TMEM178B: variants seen among roughly 807,000 people sequenced by gnomAD.
TMEM178B encodes transmembrane protein 178B.
In TMEM178B, 5 loss-of-function variants were observed where a neutral mutation model predicts 31.0. The ratio of observed to expected loss-of-function variants is 0.16; its 90% confidence interval spans 0.08 to 0.34. The LOEUF (loss-of-function observed/expected upper bound fraction) is 0.34. Ranked by LOEUF, TMEM178B falls within the 10% of genes least tolerant of loss-of-function variation. TMEM178B has a pLI of 1.00. For synonymous variants in TMEM178B, 164 were observed against 164.0 expected (o/e 1.00, Z 0.00); for missense variants, 275 against 400.3 (o/e 0.69, Z 2.67).
At chr7:141,103,550 C>T (rs1795092678) in intron 1 of TMEM178B, among the ~76,000 whole-genome samples, 1 of 152,042 alleles carries the variant, frequency 6.6e-6, no homozygotes. Flanking sequence ...TCTCATTTGT[C>T]TGTTTATTCT....
At chr7:141,227,951 G>A (rs1211955673) in intron 2 of TMEM178B, among the ~76,000 whole-genome samples, 1 of 152,106 alleles carries the variant, frequency 6.6e-6, no homozygotes, top group Non-Finnish European at 1.5e-5. Flanking sequence ...ATCCTAGAAA[G>A]CAAGATTTCC....
rs114807632 is a variant in TMEM178B at position 141,232,669 on chromosome 7, C to T, written c.496+19965C>T. ...AAAATATGAATTAAATGCCAATAAA[C>T]CCATGTAACCTTAGAGGCTCAGCTT... is the stretch of plus-strand genomic sequence containing the variant. On this transcript the variant is annotated intron_variant, in intron 2 of 3. Transcript: ENST00000565468. Among the ~76,000 whole-genome samples the T allele has an allele frequency of 4.9e-3, 741 of 152,294 alleles. 9 individuals are homozygous for T. Among genetic ancestry groups the T allele is most frequent in the African/African-American group, 0.017 (717 of 41,574 alleles).
chr7:141,265,976 C>T (rs138226345), intron 2 of TMEM178B, among the ~76,000 whole-genome samples: 5 of 152,248 alleles, frequency 3.3e-5, no homozygotes, highest in Non-Finnish European at 7.4e-5. Flanking sequence ...GGATGTGGTG[C>T]CTGACTGAGG....
the TMEM178B span, among the ~76,000 whole-genome samples, chr7:141,505,701 AACT>A: frequency 6.6e-6 from 1 of 152,162 alleles, no homozygotes; most frequent in East Asian, 1.9e-4. Flanking sequence ...ACTGGCTCTT[AACT>A]ACTTGCTAGC....
At chr7:141,306,462 G>A (rs530077142) in intron 2 of TMEM178B, among the ~76,000 whole-genome samples, 27 of 152,258 alleles carry the variant, frequency 1.8e-4, no homozygotes, top group Middle Eastern at 3.4e-3. Flanking sequence ...AAAGGTGTCC[G>A]CTTTCTGAGT....
intron 3 of TMEM178B, among the ~76,000 whole-genome samples, chr7:141,469,227 C>T (rs899750552): frequency 6.6e-6 from 1 of 152,206 alleles, no homozygotes; most frequent in African/African-American, 2.4e-5. Context: ...GAAAACCTTA[C>T]CGAGGACTTC....
chr7:141,503,664 C>G, the TMEM178B span, among the ~76,000 whole-genome samples: 1 of 152,142 alleles, frequency 6.6e-6, no homozygotes, highest in African/African-American at 2.4e-5. Flanking sequence ...CTAATAAACC[C>G]TAACTCACAC....
At chr7:141,322,681 C>T (rs1799121828) in intron 2 of TMEM178B, among the ~76,000 whole-genome samples, 1 of 152,142 alleles carries the variant, frequency 6.6e-6, no homozygotes, top group Admixed American at 6.6e-5. Flanking sequence ...AGAACAAAGG[C>T]TTGGAGGTGC....
the TMEM178B span, among the ~76,000 whole-genome samples, chr7:141,504,449 G>A: frequency 3.0e-4 from 45 of 152,242 alleles, no homozygotes; most frequent in South Asian, 2.7e-3. Flanking sequence ...AAAAAAATAC[G>A]CAAATATGTA....
intron 1 of TMEM178B, among the ~76,000 whole-genome samples, chr7:141,163,385 G>A (rs779393315): frequency 5.3e-5 from 8 of 152,216 alleles, no homozygotes; most frequent in African/African-American, 1.7e-4. Context: ...GATTCAGGGG[G>A]CAGGGATAAC....
intron 2 of TMEM178B, among the ~76,000 whole-genome samples, chr7:141,291,926 A>ATTTTTT (rs11306682): frequency 7.2e-6 from 1 of 138,120 alleles, no homozygotes. Flanking sequence ...CATAGAGATC[A>ATTTTTT]TTTTTTTTTT....
chr7:141,204,538 G>A (rs775770780), intron 1 of TMEM178B, among the ~76,000 whole-genome samples: 10 of 152,186 alleles, frequency 6.6e-5, no homozygotes, highest in Non-Finnish European at 1.0e-4. Context: ...ACAGGACACT[G>A]AGGGCAATTG....
At chr7:141,091,210 T>C (rs1200060919) in intron 1 of TMEM178B, among the ~76,000 whole-genome samples, 1 of 152,186 alleles carries the variant, frequency 6.6e-6, no homozygotes, top group Non-Finnish European at 1.5e-5. Flanking sequence ...GTAATAACCA[T>C]TGGGTAGGCA....
chr7:141,469,817 C>G (rs544683396), intron 3 of TMEM178B, among the ~76,000 whole-genome samples: 29 of 152,188 alleles, frequency 1.9e-4, no homozygotes, highest in African/African-American at 6.7e-4. Flanking sequence ...AGAGGACGTC[C>G]CATCATCAAT....
intron 2 of TMEM178B, among the ~76,000 whole-genome samples, chr7:141,287,990 C>G (rs1242105693): frequency 1.3e-5 from 2 of 152,052 alleles, no homozygotes; most frequent in African/African-American, 4.8e-5. Context: ...TTTTCCCCCC[C>G]AATACGTAGC....
Position 141,203,542 on chromosome 7 carries a change from A to G in TMEM178B, c.383-9049A>G, listed in dbSNP as rs563720568. ...GATGTATTGAGTTCCTTCCATGTAC[A>G]AGGCACTGTGGCTGCAAAAATAACC... On this transcript the variant is annotated intron_variant, in intron 1 of 3. Transcript: ENST00000565468. Among the ~76,000 whole-genome samples the G allele has an allele frequency of 3.9e-5, 6 of 152,318 alleles. No homozygotes were observed. The South Asian group carries it at 1.2e-3, about 32-fold the overall frequency.
At chr7:141,435,379 T>G (rs1372345954) in intron 2 of TMEM178B, among the ~76,000 whole-genome samples, 1 of 152,152 alleles carries the variant, frequency 6.6e-6, no homozygotes, top group African/African-American at 2.4e-5. Context: ...TTTTGGCCCT[T>G]GAAGATGATG....
At chr7:141,330,860 T>C (rs1749936835) in intron 2 of TMEM178B, among the ~76,000 whole-genome samples, 1 of 152,222 alleles carries the variant, frequency 6.6e-6, no homozygotes, top group African/African-American at 2.4e-5. Flanking sequence ...AGGCAAGGGA[T>C]GACGGGCTTT....
intron 2 of TMEM178B, among the ~76,000 whole-genome samples, chr7:141,405,181 G>A (rs1186559594): frequency 6.6e-6 from 1 of 152,258 alleles, no homozygotes; most frequent in African/African-American, 2.4e-5. Flanking sequence ...CTAATCCAGT[G>A]GAGGGCATAG....
Sources: gnomAD v4.1 joint callset for allele counts (sites outside exome capture counted in the v4.1 genomes callset) on GRCh38, gnomAD v4.1.1 for gene constraint, MANE v1.5 for transcripts, NCBI Gene and HGNC (gene_info 2026-07-23, HGNC 2026-07-21) for gene names.